STXBP5L: variants seen among roughly 807,000 people sequenced by gnomAD.
The protein encoded by STXBP5L is syntaxin-binding protein 5-like.
In STXBP5L, 65 loss-of-function variants were observed where a neutral mutation model predicts 144.5. The observed-to-expected ratio is 0.45, with a 90% CI of 0.37 to 0.55. STXBP5L has a LOEUF of 0.55. Among genes scored for constraint, STXBP5L ranks in the 20% least tolerant of loss-of-function variants. The pLI is 0.00. For synonymous variants in STXBP5L, 505 were observed against 469.6 expected (o/e 1.08, Z -0.97); for missense variants, 1,298 against 1,405.5 (o/e 0.92, Z 1.22).
intron 3 of STXBP5L, among the ~76,000 whole-genome samples, chr3:121,011,991 A>G (rs1944809125): frequency 6.6e-6 from 1 of 151,674 alleles, no homozygotes; most frequent in Non-Finnish European, 1.5e-5. Context: ...AATCCTCCTA[A>G]TCCTAGCTAC....
At chr3:121,130,613 A>C (rs1465544452) in intron 7 of STXBP5L, among the ~76,000 whole-genome samples, 2 of 152,162 alleles carry the variant, frequency 1.3e-5, no homozygotes, top group Admixed American at 6.6e-5. Flanking sequence ...AGCTGGTTAC[A>C]GACTGTTGCT....
At chr3:121,148,055 T>C (rs1412730563) in intron 7 of STXBP5L, among the ~76,000 whole-genome samples, 1 of 152,080 alleles carries the variant, frequency 6.6e-6, no homozygotes, top group Non-Finnish European at 1.5e-5. Context: ...TTGGGACTTG[T>C]CAGCCTTCAT....
chr3:120,958,733 T>G (rs1938349753), intron 3 of STXBP5L, among the ~76,000 whole-genome samples: 6 of 152,114 alleles, frequency 3.9e-5, no homozygotes, highest in Admixed American at 3.9e-4. Context: ...CTCAATAAAT[T>G]AGGTATTGAT....
At chr3:121,335,049 A>C (rs1382144837) in intron 20 of STXBP5L, among the ~76,000 whole-genome samples, 6 of 152,214 alleles carry the variant, frequency 3.9e-5, no homozygotes, top group Admixed American at 3.9e-4. Context: ...TTTTATATCT[A>C]GAAAACCCTA....
chr3:120,985,449 T>G (rs1443223181), intron 3 of STXBP5L, among the ~76,000 whole-genome samples: 2 of 152,082 alleles, frequency 1.3e-5, no homozygotes, highest in Non-Finnish European at 2.9e-5. Flanking sequence ...ATGTGCTGTC[T>G]TAGCAATTTT....
intron 3 of STXBP5L, among the ~76,000 whole-genome samples, chr3:120,966,449 C>T (rs545537374): frequency 7.4e-4 from 113 of 152,212 alleles, no homozygotes; most frequent in African/African-American, 2.5e-3. Flanking sequence ...TGCTGGTGAC[C>T]TAGAGATGGG....
At position 121,165,034 on chromosome 3, in the gene STXBP5L, A is replaced by G. The variant is rs529772222; in HGVS notation, c.877+7407A>G. 4.6e-5 allele frequency among the ~76,000 whole-genome samples: 7 copies of G among 152,330 alleles called. No homozygotes were observed. The South Asian group carries it at 6.2e-4, about 14-fold the overall frequency. ...GCTAAGAATTTTAGCTGTTTTTGCC[A>G]CCAAAAAAATGGTTAAATATGGGAG... On this transcript the variant is annotated intron_variant, in intron 9 of 26. Coordinates refer to ENST00000471454, the MANE Select transcript of STXBP5L (RefSeq NM_001308330.2).
intron 5 of STXBP5L, among the ~76,000 whole-genome samples, chr3:121,093,751 T>A (rs3966075): frequency 0.98 from 149,734 of 152,084 alleles, 73,719 homozygotes; most frequent in East Asian, 1. Context: ...TTTTGAAGGG[T>A]TTTTTGTGTC....
chr3:121,306,558 T>C (rs1381943397), intron 19 of STXBP5L, among the ~76,000 whole-genome samples: 1 of 152,162 alleles, frequency 6.6e-6, no homozygotes, highest in Non-Finnish European at 1.5e-5. Context: ...AAATGCGGTC[T>C]ACGTGAATAG....
chr3:121,030,224 C>G (rs1349563044), intron 3 of STXBP5L, among the ~76,000 whole-genome samples: 1 of 152,178 alleles, frequency 6.6e-6, no homozygotes. Flanking sequence ...AAGACACATG[C>G]ACACATATGT....
rs1484518965 is a variant in STXBP5L at position 121,193,170 on chromosome 3, C to A, written c.878-12753C>A. ...ATCAAAAAGTGGGCAAAGATATGAA[C>A]AGACACTTCTCAAAAAAAGACACCT... is the stretch of plus-strand genomic sequence containing the variant. On this transcript the variant is annotated intron_variant, in intron 9 of 26. Coordinates refer to ENST00000471454, the MANE Select transcript of STXBP5L (RefSeq NM_001308330.2). 3.5e-5 allele frequency among the ~76,000 whole-genome samples: 5 copies of A among 142,822 alleles called. 1 individual carries two copies. Among genetic ancestry groups the A allele is most frequent in the Non-Finnish European group, 7.6e-5 (5 of 65,572 alleles). 93.7% of individuals were successfully genotyped at this position (142,822 alleles called of 152,430 possible). A position where few individuals can be genotyped will look rare whatever the true frequency, so the allele number is the denominator to read the frequency against.
intron 5 of STXBP5L, among the ~76,000 whole-genome samples, chr3:121,069,965 G>C (rs1383733277): frequency 2.0e-5 from 3 of 152,124 alleles, no homozygotes; most frequent in African/African-American, 7.2e-5. Context: ...CAGCACTTTT[G>C]CTGTGTCCCA....
intron 3 of STXBP5L, among the ~76,000 whole-genome samples, chr3:120,966,225 A>G (rs1939555980): frequency 1.3e-5 from 2 of 152,124 alleles, no homozygotes; most frequent in South Asian, 4.1e-4. Context: ...GGGTTCAAAC[A>G]TCCTCCTTTA....
chr3:121,329,027 T>C (rs2044240364), intron 20 of STXBP5L, among the ~76,000 whole-genome samples: 1 of 151,954 alleles, frequency 6.6e-6, no homozygotes, highest in Non-Finnish European at 1.5e-5. Context: ...CACACATATA[T>C]ATAATGCATA....
intron 2 of STXBP5L, among the ~76,000 whole-genome samples, chr3:120,939,855 G>A (rs1353991918): frequency 1.3e-5 from 2 of 152,040 alleles, no homozygotes; most frequent in Non-Finnish European, 1.5e-5. Context: ...GAATTGGAAG[G>A]GGACCTTAAA....
chr3:121,182,096 G>A (rs1362719950), intron 9 of STXBP5L, among the ~76,000 whole-genome samples: 2 of 152,264 alleles, frequency 1.3e-5, no homozygotes, highest in East Asian at 3.9e-4. Flanking sequence ...ATACTCCACT[G>A]ACAGCACTAC....
At chr3:121,044,360 G>A (rs1947363867) in intron 4 of STXBP5L, among the ~76,000 whole-genome samples, 1 of 152,068 alleles carries the variant, frequency 6.6e-6, no homozygotes. Flanking sequence ...TTATAGAAGG[G>A]CATTTAGATT....
At chr3:121,337,231 T>C (rs1057015968) in intron 20 of STXBP5L, among the ~76,000 whole-genome samples, 2 of 152,054 alleles carry the variant, frequency 1.3e-5, no homozygotes, top group African/African-American at 4.8e-5. Context: ...TCAGCACATA[T>C]ACACCTGAGC....
At chr3:121,176,457 G>T (rs1454472996) in intron 9 of STXBP5L, among the ~76,000 whole-genome samples, 1 of 132,920 alleles carries the variant, frequency 7.5e-6, no homozygotes, top group African/African-American at 2.8e-5. Context: ...TCTTTGAAAA[G>T]GTTAAAATCA....
Sources: allele counts gnomAD v4.1 joint callset (sites outside exome capture counted in the v4.1 genomes callset), GRCh38; gene constraint gnomAD v4.1.1; transcripts MANE v1.5; gene names NCBI Gene and HGNC (gene_info 2026-07-23, HGNC 2026-07-21).